CAMK4: variants seen among roughly 807,000 people sequenced by gnomAD.
The protein encoded by CAMK4 is calcium/calmodulin-dependent protein kinase type IV.
Under a neutral mutation model 44.9 loss-of-function variants are expected in CAMK4, and 22 were observed. The observed-to-expected ratio is 0.49, with a 90% CI of 0.35 to 0.70. The LOEUF (loss-of-function observed/expected upper bound fraction) is 0.70. Ranked by LOEUF, CAMK4 falls within the 30% of genes least tolerant of loss-of-function variation. The probability of loss-of-function intolerance (pLI) is 0.01; values close to 1 mark genes in which losing one functional copy is unlikely to be tolerated. For missense variants in CAMK4, 498 were observed against 586.8 expected, an observed-to-expected ratio of 0.85 and a Z score of 1.56; for synonymous variants, 218 against 215.4, an observed-to-expected ratio of 1.01 and a Z score of -0.11.
chr5:111,336,359 T>C (rs1749402611), intron 1 of CAMK4, among the ~76,000 whole-genome samples: 1 of 151,248 alleles, frequency 6.6e-6, no homozygotes, highest in Non-Finnish European at 1.5e-5. Flanking sequence ...AATTAACTGT[T>C]AATATGCTTT....
chr5:111,468,570 T>G (rs1229838167), intron 7 of CAMK4, among the ~76,000 whole-genome samples: 3 of 152,196 alleles, frequency 2.0e-5, no homozygotes, highest in Non-Finnish European at 4.4e-5. Context: ...GAAGCTGGGG[T>G]GCTAGAGCCT....
At chr5:111,303,747 C>T (rs1747833980) in intron 1 of CAMK4, among the ~76,000 whole-genome samples, 2 of 148,790 alleles carry the variant, frequency 1.3e-5, no homozygotes, top group Admixed American at 6.6e-5. Flanking sequence ...ACAGAGAACG[C>T]CACAGAGATA....
chr5:111,357,302 T>G (rs1750404057), intron 2 of CAMK4, among the ~76,000 whole-genome samples: 1 of 152,004 alleles, frequency 6.6e-6, no homozygotes, highest in East Asian at 1.9e-4. Flanking sequence ...CTAGGAAAGT[T>G]GAGAGAAGCT....
intron 2 of CAMK4, among the ~76,000 whole-genome samples, chr5:111,357,006 C>T (rs1192914943): frequency 6.6e-6 from 1 of 151,992 alleles, no homozygotes. Context: ...GGCCTGAGTG[C>T]TGTTGCCCAA....
At chr5:111,318,176 C>G (rs1050304751) in intron 1 of CAMK4, among the ~76,000 whole-genome samples, 10 of 152,074 alleles carry the variant, frequency 6.6e-5, no homozygotes, top group Admixed American at 6.6e-4. Flanking sequence ...TGTTATCTAT[C>G]TATGACACAA....
chr5:111,362,900 A>G (rs1296035715), intron 2 of CAMK4, among the ~76,000 whole-genome samples: 1 of 152,086 alleles, frequency 6.6e-6, no homozygotes, highest in Non-Finnish European at 1.5e-5. Context: ...TGGATAGTAC[A>G]TTCCAATTCT....
Position 111,440,292 on chromosome 5 carries a change from C to T in CAMK4, c.460-6394C>T, listed in dbSNP as rs967153584. 2.6e-4 allele frequency among the ~76,000 whole-genome samples: 39 copies of T among 152,140 alleles called. 2 individuals carry two copies. Among genetic ancestry groups the T allele is most frequent in the Admixed American group, 2.6e-3 (39 of 15,272 alleles). Reference sequence around the variant, plus strand: ...CTAAGGGATGGCTCTGGAAGAACTACAGAAAATCCCAGGAGAACTGAGCAT... The same window carrying T: ...CTAAGGGATGGCTCTGGAAGAACTATAGAAAATCCCAGGAGAACTGAGCAT... On this transcript the variant is annotated intron_variant, in intron 5 of 10. Coordinates refer to ENST00000282356, the MANE Select transcript of CAMK4 (RefSeq NM_001744.6).
intron 5 of CAMK4, among the ~76,000 whole-genome samples, chr5:111,429,971 G>C (rs1268274611): frequency 6.7e-6 from 1 of 148,724 alleles, no homozygotes. Context: ...CATTCTATGA[G>C]GCCATTATTT....
At position 111,494,738 on chromosome 5, in the gene CAMK4, T is replaced by A. The variant is rs1392453713; in HGVS notation, c.*10272T>A. 2 of 152,118 alleles carry A rather than the reference T, an allele frequency of 1.3e-5. No homozygotes were observed. The highest frequency in any genetic ancestry group is 2.9e-5 in the Non-Finnish European group (2 of 68,006). 9.4% of individuals were successfully genotyped at this position (152,118 alleles called of 1,614,324 possible). A position where few individuals can be genotyped will look rare whatever the true frequency, so the allele number is the denominator to read the frequency against. The stretch of plus-strand genomic sequence containing the variant: ...GGTGTTGGAAGACTAATTGTAGAAA[T>A]TTGACCTGAGGGCCAATGTTACTTG... On this transcript the variant is annotated 3_prime_UTR_variant, in exon 11 of 11. Coordinates refer to ENST00000282356, the MANE Select transcript of CAMK4 (RefSeq NM_001744.6).
At chr5:111,453,351 C>A (rs1305481087) in intron 7 of CAMK4, among the ~76,000 whole-genome samples, 1 of 152,280 alleles carries the variant, frequency 6.6e-6, no homozygotes, top group African/African-American at 2.4e-5. Flanking sequence ...ATATTTGTTT[C>A]ATCTATCTTA....
At position 111,493,517 on chromosome 5, in the gene CAMK4, A is replaced by C. The variant is rs929978812; in HGVS notation, c.*9051A>C. The stretch of plus-strand genomic sequence containing the variant: ...CAACCTTTTCAGTTATTTGACCTGA[A>C]TAGGCAATCCCCCAGGATTTCTGAT... On this transcript the variant is annotated 3_prime_UTR_variant, in exon 11 of 11. Coordinates refer to ENST00000282356, the MANE Select transcript of CAMK4 (RefSeq NM_001744.6). This position sits in a 1 kb window ranked among gnomAD's most constrained non-coding sequence, Gnocchi z 4.1. 2.6e-5 allele frequency: 4 copies of C among 152,194 alleles called. No individual in the cohort carries two copies. The highest frequency in any genetic ancestry group is 9.6e-5 in the African/African-American group (4 of 41,458). The allele number at this position is 152,194 out of a possible 1,614,324, so 9.4% of individuals were successfully genotyped here. A position where few individuals can be genotyped will look rare whatever the true frequency, so the allele number is the denominator to read the frequency against.
In CAMK4 at chr5:111,315,420, T is replaced by C. The variant is rs1456376989; in HGVS notation, c.162-28604T>C. On this transcript the variant is annotated intron_variant, in intron 1 of 10. Coordinates refer to ENST00000282356, the MANE Select transcript of CAMK4 (RefSeq NM_001744.6). The stretch of plus-strand genomic sequence containing the variant: ...GAAAAGCTCATTTATTAATGATTTC[T>C]TGTCTCCCTGATTAGGTTAGTTTTC... Among the ~76,000 whole-genome samples the C allele has an allele frequency of 2.6e-5, 4 of 152,166 alleles. No individual in the cohort carries two copies. The East Asian group carries it at 7.7e-4, about 29-fold the overall frequency.
intron 1 of CAMK4, among the ~76,000 whole-genome samples, chr5:111,271,948 C>T (rs959067587): frequency 1.3e-5 from 2 of 152,116 alleles, no homozygotes; most frequent in African/African-American, 4.8e-5. Flanking sequence ...TTTTCTCTCC[C>T]GCGATTCTTG....
intron 7 of CAMK4, among the ~76,000 whole-genome samples, chr5:111,463,324 C>G (rs1162813871): frequency 1.3e-5 from 2 of 152,104 alleles, no homozygotes; most frequent in Non-Finnish European, 2.9e-5. Flanking sequence ...AGACAATGCT[C>G]AAAAGAAGAT....
chr5:111,429,183 G>T (rs141721563), intron 5 of CAMK4, among the ~76,000 whole-genome samples: 22 of 152,060 alleles, frequency 1.4e-4, no homozygotes, highest in African/African-American at 4.3e-4. Flanking sequence ...AAGTGCAAAA[G>T]ATCAGTGAAA....
intron 4 of CAMK4, among the ~76,000 whole-genome samples, chr5:111,384,374 T>G (rs1751524082): frequency 6.6e-6 from 1 of 152,158 alleles, no homozygotes; most frequent in Non-Finnish European, 1.5e-5. Context: ...CTTTCCTGAG[T>G]TCCTCTTCCC....
chr5:111,473,011 C>T (rs774190882), intron 7 of CAMK4, among the ~76,000 whole-genome samples: 2 of 152,168 alleles, frequency 1.3e-5, no homozygotes, highest in African/African-American at 2.4e-5. Flanking sequence ...TGAAGTATTG[C>T]GTCTTTTGTA....
At chr5:111,465,268 A>G (rs190641375) in intron 7 of CAMK4, among the ~76,000 whole-genome samples, 2 of 152,114 alleles carry the variant, frequency 1.3e-5, no homozygotes, top group African/African-American at 4.8e-5. Context: ...GCACAAATAG[A>G]CAATCTAAGG....
chr5:111,357,672 G>A (rs1045182161), intron 2 of CAMK4, among the ~76,000 whole-genome samples: 2 of 152,006 alleles, frequency 1.3e-5, no homozygotes, highest in Non-Finnish European at 2.9e-5. Flanking sequence ...GATCCATATA[G>A]TTTTCAGTAC....
Sources: gnomAD v4.1 joint callset for allele counts (sites outside exome capture counted in the v4.1 genomes callset) on GRCh38, gnomAD v4.1.1 for gene constraint, Gnocchi (gnomAD v3.1) non-coding constraint, MANE v1.5 for transcripts, NCBI Gene and HGNC (gene_info 2026-07-23, HGNC 2026-07-21) for gene names.